Variants in LAPTM4B observed in about 807,000 individuals in gnomAD.
LAPTM4B encodes lysosomal protein transmembrane 4 beta.
LAPTM4B carries 26 observed loss-of-function variants against 28.5 expected under a neutral mutation model. That is an observed-to-expected ratio of 0.91 (90% CI 0.67 to 1.27). LAPTM4B has a LOEUF of 1.27. Among genes scored for constraint, LAPTM4B ranks in the 50% most tolerant of loss-of-function variants. The probability of loss-of-function intolerance (pLI) is 0.00; values close to 1 mark genes in which losing one functional copy is unlikely to be tolerated. For missense variants in LAPTM4B, 288 were observed against 285.8 expected, an observed-to-expected ratio of 1.01 and a Z score of -0.06; for synonymous variants, 109 against 106.4, an observed-to-expected ratio of 1.02 and a Z score of -0.15.
In LAPTM4B at chr8:97,803,061, T is replaced by C. The variant is rs1486289092; in HGVS notation, c.100-2292T>C. ...TAAAAATACAAAAATTAGCCGGGTG[T>C]GGTGGCAGGCACTTGTAACCCCAGC... is the stretch of plus-strand genomic sequence containing the variant. On this transcript the variant is annotated intron_variant, in intron 1 of 6. Transcript: ENST00000521545. Among the ~76,000 whole-genome samples the C allele has an allele frequency of 2.6e-5, 4 of 151,620 alleles. No homozygotes were observed. In the East Asian group the frequency reaches 7.9e-4, roughly 30 times the overall value.
intron 2 of LAPTM4B, among the ~76,000 whole-genome samples, chr8:97,806,630 G>A (rs1816758000): frequency 6.6e-6 from 1 of 152,110 alleles, no homozygotes; most frequent in East Asian, 1.9e-4. Flanking sequence ...CCTGTATTGT[G>A]GGAGGGACCC....
intron 1 of LAPTM4B, 107 bp downstream of exon 1, chr8:97,776,215 G>T (rs577793496): frequency 1.0e-5 from 13 of 1,247,462 alleles, no homozygotes; most frequent in African/African-American, 1.6e-5. Flanking sequence ...TCCGCCTAAA[G>T]TTGTATTATT....
At chr8:97,823,364 T>TA (rs1817040280) in intron 5 of LAPTM4B, among the ~76,000 whole-genome samples, 1 of 134,466 alleles carries the variant, frequency 7.4e-6, no homozygotes, top group African/African-American at 2.7e-5. Flanking sequence ...TTGTTTTTTT[T>TA]TTGTTGTTGT....
intron 1 of LAPTM4B, among the ~76,000 whole-genome samples, chr8:97,795,882 T>C (rs1423270426): frequency 6.6e-6 from 1 of 152,100 alleles, no homozygotes; most frequent in Non-Finnish European, 1.5e-5. Flanking sequence ...ATTGGTACTT[T>C]TGATCTCTTC....
intron 6 of LAPTM4B, among the ~76,000 whole-genome samples, chr8:97,849,978 G>C (rs1817498470): frequency 6.6e-6 from 1 of 151,810 alleles, no homozygotes; most frequent in Non-Finnish European, 1.5e-5. Flanking sequence ...AGGTGATTCT[G>C]TGCACACTGG....
intron 1 of LAPTM4B, among the ~76,000 whole-genome samples, chr8:97,793,627 T>A (rs1206654483): frequency 6.6e-6 from 1 of 152,228 alleles, no homozygotes; most frequent in Non-Finnish European, 1.5e-5. Flanking sequence ...AGAATTAGTA[T>A]ATTTTGTACA....
chr8:97,812,173 C>CT (rs1480403175), intron 2 of LAPTM4B, among the ~76,000 whole-genome samples: 1 of 146,080 alleles, frequency 6.8e-6, no homozygotes, highest in Non-Finnish European at 1.5e-5. Flanking sequence ...TACATCTTGA[C>CT]TTTTTTTTAA....
intron 6 of LAPTM4B, among the ~76,000 whole-genome samples, chr8:97,845,868 A>T (rs1262812958): frequency 1.4e-3 from 6 of 4,370 alleles, no homozygotes; most frequent in South Asian, 0.015. Flanking sequence ...CCCCCCTTCC[A>T]CTCCCCTCCC....
chr8:97,807,152 A>T (rs982838021), intron 2 of LAPTM4B, among the ~76,000 whole-genome samples: 1 of 152,194 alleles, frequency 6.6e-6, no homozygotes. Context: ...GGTCAGTTTG[A>T]GTTCTGACAC....
At chr8:97,848,258 T>TCGAAA (rs1463337826) in intron 6 of LAPTM4B, among the ~76,000 whole-genome samples, 1 of 152,112 alleles carries the variant, frequency 6.6e-6, no homozygotes, top group Non-Finnish European at 1.5e-5. Context: ...CAAGACTCTC[T>TCGAAA]CGAAACAAAA....
intron 2 of LAPTM4B, among the ~76,000 whole-genome samples, chr8:97,812,213 T>G (rs77528439): frequency 0.1 from 4,202 of 41,674 alleles, 263 homozygotes; most frequent in African/African-American, 0.14. Context: ...TTTGTTTTTT[T>G]TTTGTTGTTT....
chr8:97,830,696 G>T (rs1256718835), intron 6 of LAPTM4B, among the ~76,000 whole-genome samples: 1 of 152,272 alleles, frequency 6.6e-6, no homozygotes, highest in South Asian at 2.1e-4. Context: ...AGTGGGGAAG[G>T]TTCTGTAGAC....
At chr8:97,824,164 T>C (rs1010686016) in intron 5 of LAPTM4B, among the ~76,000 whole-genome samples, 6 of 152,076 alleles carry the variant, frequency 3.9e-5, no homozygotes, top group African/African-American at 1.4e-4. Flanking sequence ...TATATTTTCA[T>C]TTTATTCGGT....
intron 2 of LAPTM4B, among the ~76,000 whole-genome samples, chr8:97,808,122 A>G (rs1428792204): frequency 1.3e-5 from 2 of 150,786 alleles, no homozygotes; most frequent in African/African-American, 4.9e-5. Context: ...CAACTGGCCA[A>G]TTTTCATAAT....
chr8:97,807,390 G>T (rs1000175565), intron 2 of LAPTM4B, among the ~76,000 whole-genome samples: 8 of 152,184 alleles, frequency 5.3e-5, no homozygotes, highest in Non-Finnish European at 8.8e-5. Flanking sequence ...GGTCAACGTG[G>T]CAAAACACCA....
chr8:97,775,844 T>G lies in LAPTM4B; in HGVS notation c.-166T>G, dbSNP rs1475107994. ...CGAAGGGTACCGACCCGGCAGAAGC[T>G]CGGAGCTCTCGGGGTATCGAGGAGG... On this transcript the variant is annotated 5_prime_UTR_variant, in exon 1 of 7. Coordinates refer to ENST00000521545, the MANE Select transcript of LAPTM4B (RefSeq NM_018407.6). 3 of 1,536,886 alleles carry G rather than the reference T, an allele frequency of 2.0e-6. No homozygotes were observed. The highest frequency in any genetic ancestry group is 2.6e-6 in the Non-Finnish European group (3 of 1,147,100).
intron 1 of LAPTM4B, among the ~76,000 whole-genome samples, chr8:97,798,539 C>T (rs1340729074): frequency 6.6e-6 from 1 of 152,092 alleles, no homozygotes; most frequent in Admixed American, 6.5e-5. Flanking sequence ...AGAACCAGGG[C>T]ACCTGGACAG....
intron 1 of LAPTM4B, among the ~76,000 whole-genome samples, chr8:97,787,376 C>T (rs1418229097): frequency 2.6e-5 from 4 of 151,390 alleles, no homozygotes; most frequent in African/African-American, 7.3e-5. Context: ...AGCTCCGCCT[C>T]CCAGGTTCAC....
rs1277515495 is a variant in LAPTM4B at position 97,775,932 on chromosome 8, C to T, written c.-78C>T. 8.5e-7 allele frequency: 1 copy of T among 1,178,320 alleles called. No individual in the cohort carries two copies. Among genetic ancestry groups the T allele is most frequent in the Non-Finnish European group, 1.1e-6 (1 of 878,398 alleles). 73.0% of individuals were successfully genotyped at this position (1,178,320 alleles called of 1,614,324 possible). A position where few individuals can be genotyped will look rare whatever the true frequency, so the allele number is the denominator to read the frequency against. On this transcript the variant is annotated 5_prime_UTR_variant, in exon 1 of 7. Transcript: ENST00000521545. The stretch of plus-strand genomic sequence containing the variant: ...GGAGCGGCGGAGGAGCCGGCAGCAG[C>T]GGCGCGGCGGGCTCCAGGCGAGGCG...
Sources: gnomAD v4.1 joint callset for allele counts (sites outside exome capture counted in the v4.1 genomes callset) on GRCh38, gnomAD v4.1.1 for gene constraint, MANE v1.5 for transcripts, NCBI Gene and HGNC (gene_info 2026-07-23, HGNC 2026-07-21) for gene names.